Variants in ARFGEF1 observed in about 807,000 individuals in gnomAD.
ARFGEF1 encodes the protein brefeldin A-inhibited guanine nucleotide-exchange protein 1.
Under a neutral mutation model 231.0 loss-of-function variants are expected in ARFGEF1, and 42 were observed. The observed-to-expected ratio is 0.18, with a 90% CI of 0.14 to 0.24. ARFGEF1 has a LOEUF of 0.24. Among genes scored for constraint, ARFGEF1 ranks in the 10% least tolerant of loss-of-function variants. The pLI is 1.00. For synonymous variants in ARFGEF1, 710 were observed against 732.3 expected (o/e 0.97, Z 0.49); for missense variants, 1,345 against 2,192.0 (o/e 0.61, Z 7.72).
chr8:67,303,972 G>C (rs905478018), intron 1 of ARFGEF1, among the ~76,000 whole-genome samples: 17 of 152,144 alleles, frequency 1.1e-4, no homozygotes, highest in African/African-American at 3.9e-4. Context: ...TGAACAACTT[G>C]TCCAAAGGCT....
intron 1 of ARFGEF1, among the ~76,000 whole-genome samples, chr8:67,341,413 C>G (rs972785943): frequency 6.9e-6 from 1 of 144,006 alleles, no homozygotes; most frequent in Non-Finnish European, 1.5e-5. Context: ...ATAGAGAGAC[C>G]GCCATCTCCA....
At chr8:67,199,217 AG>A in intron 38 of ARFGEF1, 119 bp from the exon 39 acceptor site, 5 of 1,195,240 alleles carry the variant, frequency 4.2e-6, no homozygotes, top group Non-Finnish European at 5.8e-6. Flanking sequence ...GGTCCACAGC[AG>A]GCAGTGACTC....
intron 14 of ARFGEF1, among the ~76,000 whole-genome samples, 153 bp downstream of exon 14, chr8:67,265,853 G>C (rs917808727): frequency 6.6e-6 from 1 of 152,080 alleles, no homozygotes; most frequent in Non-Finnish European, 1.5e-5. Context: ...AGACTGCAAT[G>C]AACAAGGGGG....
intron 5 of ARFGEF1, among the ~76,000 whole-genome samples, chr8:67,292,745 C>T (rs1806064171): frequency 6.6e-6 from 1 of 151,958 alleles, no homozygotes; most frequent in Admixed American, 6.6e-5. Flanking sequence ...AACTGGCTCA[C>T]AAAATGTTAG....
intron 1 of ARFGEF1, among the ~76,000 whole-genome samples, chr8:67,320,120 G>A (rs1807511670): frequency 6.6e-6 from 1 of 151,386 alleles, no homozygotes; most frequent in Non-Finnish European, 1.5e-5. Context: ...CTACTTGGGA[G>A]GCTGAGGCAA....
At position 67,299,332 on chromosome 8, in the gene ARFGEF1, C is replaced by G. The variant is rs1806374902; in HGVS notation, c.336G>C (p.Leu112Phe). 6.2e-7 allele frequency: 1 copy of G among 1,605,984 alleles called. No homozygotes were observed. The highest frequency in any genetic ancestry group is 8.5e-7 in the Non-Finnish European group (1 of 1,178,092). The change falls in exon 4 of 39, where the codon TTG becomes TTC. Residue 112 changes from leucine (L) to phenylalanine (F), a missense_variant. Transcript: ENST00000262215. Reference protein sequence around the residue: ...CLQKLIAYGHLTGNAPDSTTP... With the variant: ...CLQKLIAYGHFTGNAPDSTTP... ...TTGTACTATCTGGAGCATTGCCAGT[C>G]AAGTGCCCATAAGCAATAAGTTTCT...
At chr8:67,279,674 C>A (rs1346929472) in intron 7 of ARFGEF1, among the ~76,000 whole-genome samples, 1 of 152,118 alleles carries the variant, frequency 6.6e-6, no homozygotes, top group Non-Finnish European at 1.5e-5. Flanking sequence ...TGAAGCCACA[C>A]CCCCGTGGCT....
intron 3 of ARFGEF1, among the ~76,000 whole-genome samples, chr8:67,299,713 G>C (rs1806391834): frequency 6.6e-6 from 1 of 152,096 alleles, no homozygotes; most frequent in Non-Finnish European, 1.5e-5. Flanking sequence ...TGGGAGGCCT[G>C]CTTGCCTCCC....
At chr8:67,239,506 A>AT (rs1341040159) in intron 20 of ARFGEF1, among the ~76,000 whole-genome samples, 2 of 151,986 alleles carry the variant, frequency 1.3e-5, no homozygotes, top group African/African-American at 4.8e-5. Flanking sequence ...TCAAATTGAG[A>AT]TTTTTAGTGA....
intron 21 of ARFGEF1, 90 bp from the exon 22 acceptor site, chr8:67,238,583 G>C: frequency 7.0e-7 from 1 of 1,420,990 alleles, no homozygotes; most frequent in South Asian, 1.4e-5. Flanking sequence ...CTTAAACACA[G>C]ACTACACTAT....
chr8:67,226,604 T>C (rs1176519812), intron 27 of ARFGEF1, among the ~76,000 whole-genome samples: 1 of 152,120 alleles, frequency 6.6e-6, no homozygotes, highest in East Asian at 1.9e-4. Context: ...ACGCAATAAA[T>C]GATAGCTATG....
chr8:67,182,507 T>C (rs992088159), intron 5 of ARFGEF1, among the ~76,000 whole-genome samples: 8 of 152,248 alleles, frequency 5.3e-5, no homozygotes, highest in Non-Finnish European at 1.0e-4. Context: ...CACTAAGAGA[T>C]AGCATTTGCT....
At chr8:67,241,459 G>A (rs973557353) in intron 19 of ARFGEF1, among the ~76,000 whole-genome samples, 5 of 151,930 alleles carry the variant, frequency 3.3e-5, no homozygotes, top group East Asian at 1.9e-4. Flanking sequence ...AGATACAAAC[G>A]GTTCTTAAGG....
chr8:67,305,258 G>T (rs945518439), intron 1 of ARFGEF1, among the ~76,000 whole-genome samples: 1 of 152,066 alleles, frequency 6.6e-6, no homozygotes, highest in African/African-American at 2.4e-5. Flanking sequence ...TTTTTGTGCA[G>T]CCCACGAGTG....
rs1346123118 is a variant in ARFGEF1 at position 67,313,918 on chromosome 8, CTCT to C, written c.125-11455_125-11453del. Among the ~76,000 whole-genome samples the C allele has an allele frequency of 2.0e-5, 3 of 152,208 alleles. No individual in the cohort carries two copies. In the East Asian group the frequency reaches 5.8e-4, roughly 29 times the overall value. ...AGGGCTAGGTGGGTCTGAGCTCAGACTCTTCTTGGGTGGGTCTTGCTGTGGCTG... is the reference window on the plus strand; with the variant it reads ...AGGGCTAGGTGGGTCTGAGCTCAGACTCTTGGGTGGGTCTTGCTGTGGCTG... On this transcript the variant is annotated intron_variant, in intron 1 of 38. Transcript: ENST00000262215.
intron 5 of ARFGEF1, among the ~76,000 whole-genome samples, chr8:67,292,428 A>G (rs1233535649): frequency 6.6e-6 from 1 of 152,152 alleles, no homozygotes; most frequent in African/African-American, 2.4e-5. Context: ...ATACATACAG[A>G]AAGTCTATAA....
intron 1 of ARFGEF1, among the ~76,000 whole-genome samples, chr8:67,334,778 T>C (rs1414984462): frequency 6.6e-6 from 1 of 152,062 alleles, no homozygotes; most frequent in Non-Finnish European, 1.5e-5. Flanking sequence ...CTCAAAAACA[T>C]ACTGAAAGAA....
At chr8:67,280,673 C>T (rs1410211430) in intron 7 of ARFGEF1, among the ~76,000 whole-genome samples, 1 of 152,176 alleles carries the variant, frequency 6.6e-6, no homozygotes, top group Non-Finnish European at 1.5e-5. Context: ...AGGGGCTACA[C>T]AGCCCAAGGG....
chr8:67,341,561 C>A (rs1490349172), intron 1 of ARFGEF1, among the ~76,000 whole-genome samples: 3 of 152,044 alleles, frequency 2.0e-5, no homozygotes, highest in South Asian at 4.1e-4. Context: ...TGTGTCACTG[C>A]GCTTCAGTCT....
Sources: allele counts gnomAD v4.1 joint callset (sites outside exome capture counted in the v4.1 genomes callset), GRCh38; gene constraint gnomAD v4.1.1; transcripts MANE v1.5; gene names NCBI Gene and HGNC (gene_info 2026-07-23, HGNC 2026-07-21).